NNT: variants seen among roughly 807,000 people sequenced by gnomAD.
NNT encodes the protein nicotinamide nucleotide transhydrogenase.
NNT carries 50 observed loss-of-function variants against 104.8 expected under a neutral mutation model. That is an observed-to-expected ratio of 0.48 (90% CI 0.38 to 0.60). NNT has a LOEUF of 0.60. NNT is among the 20% of genes least tolerant of loss of function. The pLI is 0.00. For synonymous variants in NNT, 461 were observed against 490.4 expected (o/e 0.94, Z 0.79); for missense variants, 1,131 against 1,330.7 (o/e 0.85, Z 2.33).
chr5:43,667,486 C>G (rs1281442470), intron 17 of NNT, among the ~76,000 whole-genome samples: 1 of 152,028 alleles, frequency 6.6e-6, no homozygotes, highest in Non-Finnish European at 1.5e-5. Context: ...TCTCATTGTT[C>G]AATTCCCACC....
In NNT at chr5:43,635,702, C is replaced by CA. The variant is rs560293738; in HGVS notation, c.964+7316dup. On this transcript the variant is annotated intron_variant, in intron 7 of 21. Transcript: ENST00000344920. ...GTTGGCTGCCCTCTTGCTGTGTCCT[C>CA]ACATGGTCTTTCCTCTGTGTGTGTG... Among the ~76,000 whole-genome samples, 96 of 152,272 alleles carry CA rather than the reference C, an allele frequency of 6.3e-4. 1 individual carries two copies. Among genetic ancestry groups the CA allele is most frequent in the African/African-American group, 2.2e-3 (93 of 41,544 alleles).
At chr5:43,634,354 G>A (rs1272424949) in intron 7 of NNT, among the ~76,000 whole-genome samples, 1 of 152,164 alleles carries the variant, frequency 6.6e-6, no homozygotes, top group African/African-American at 2.4e-5. Context: ...TCGGGCAAGA[G>A]AGTGATTGAT....
At chr5:43,650,754 G>C (rs1739716507) in intron 12 of NNT, among the ~76,000 whole-genome samples, 167 bp downstream of exon 12, 1 of 152,120 alleles carries the variant, frequency 6.6e-6, no homozygotes, top group South Asian at 2.1e-4. Context: ...GTAATTTTTA[G>C]AAACTCTTGA....
intron 19 of NNT, among the ~76,000 whole-genome samples, chr5:43,697,246 C>T (rs1223537307): frequency 6.6e-6 from 1 of 152,194 alleles, no homozygotes; most frequent in Non-Finnish European, 1.5e-5. Flanking sequence ...CAAAGTTCTG[C>T]ACACCTCTAG....
chr5:43,687,461 TG>T lies in NNT; in HGVS notation c.2876+9656del, dbSNP rs1466134900. Among the ~76,000 whole-genome samples, 6 of 152,310 alleles carry T rather than the reference TG, an allele frequency of 3.9e-5. No homozygotes were observed. In the East Asian group the frequency reaches 1.2e-3, roughly 29 times the overall value. On this transcript the variant is annotated intron_variant, in intron 19 of 21. Transcript: ENST00000344920. ...GAAATTGCTCATTATGGCCAACCAG[TG>T]TCTGATATAATTAATTTTAATACAT...
intron 2 of NNT, among the ~76,000 whole-genome samples, chr5:43,610,201 CTTTTTTTTTT>C (rs3054076): frequency 1.0e-4 from 13 of 126,130 alleles, no homozygotes; most frequent in Non-Finnish European, 1.8e-4. Context: ...AACTGTCTGT[CTTTTTTTTTT>C]TTTTTTTTTT....
At position 43,684,070 on chromosome 5, in the gene NNT, G is replaced by A. The variant is rs998080955; in HGVS notation, c.2876+6264G>A. Among the ~76,000 whole-genome samples the A allele has an allele frequency of 7.9e-5, 12 of 152,290 alleles. No individual in the cohort carries two copies. The South Asian group carries it at 8.3e-4, about 11-fold the overall frequency. Reference sequence around the variant, plus strand: ...AGGTGACAGCTCATCTCTTTGGGTGGCCTCAGTGTCACAGGCCACATGTAC... The same window carrying A: ...AGGTGACAGCTCATCTCTTTGGGTGACCTCAGTGTCACAGGCCACATGTAC... On this transcript the variant is annotated intron_variant, in intron 19 of 21. Coordinates refer to ENST00000344920, the MANE Select transcript of NNT (RefSeq NM_182977.3).
chr5:43,659,499 G>A, intron 17 of NNT, 149 bp downstream of exon 17: 1 of 614,910 alleles, frequency 1.6e-6, no homozygotes, highest in Non-Finnish European at 2.7e-6. Context: ...AGGAGGCCAA[G>A]GCAGGTGGAT....
chr5:43,618,805 C>T (rs1398643659), intron 4 of NNT, among the ~76,000 whole-genome samples: 3 of 152,124 alleles, frequency 2.0e-5, no homozygotes, highest in Non-Finnish European at 4.4e-5. Flanking sequence ...AGTTTTCTCA[C>T]CTATGGGATG....
chr5:43,617,475 A>G (rs1371491248), intron 4 of NNT, among the ~76,000 whole-genome samples: 1 of 152,132 alleles, frequency 6.6e-6, no homozygotes, highest in Non-Finnish European at 1.5e-5. Context: ...CTGAGCTGAT[A>G]TATGCAGAGA....
Position 43,649,297 on chromosome 5 carries a change from A to C in NNT, c.1595A>C (p.Asn532Thr). The C allele has an allele frequency of 6.2e-7, 1 of 1,614,128 alleles. No homozygotes were observed. Among genetic ancestry groups the C allele is most frequent in the Admixed American group, 1.7e-5 (1 of 60,014 alleles). ...CACTCACCACTGATGTCTGTGACAA[A>C]TGCAATCTCAGGTTTGTTCCTCTCT... ...ALHSPLMSVT[N>T]AISGLTAVGG... is the part of the protein sequence containing the mutation. Residue 532 changes from asparagine (N) to threonine (T), a missense_variant, in exon 11 of 22, where the codon AAT (asparagine) becomes ACT (threonine). Transcript: ENST00000344920.
intron 19 of NNT, among the ~76,000 whole-genome samples, chr5:43,697,651 C>T (rs866370429): frequency 4.7e-4 from 71 of 152,120 alleles, no homozygotes; most frequent in Non-Finnish European, 7.3e-5. Flanking sequence ...ACTTACAGTT[C>T]CACAAGGCTG....
At chr5:43,604,969 G>A (rs1749127857) in intron 1 of NNT, among the ~76,000 whole-genome samples, 1 of 152,128 alleles carries the variant, frequency 6.6e-6, no homozygotes, top group Non-Finnish European at 1.5e-5. Context: ...ACCACCCTGG[G>A]TGGGTGCTAT....
rs571705532 is a variant in NNT, at chr5:43,666,914, G to A, written c.2634+7564G>A. The A allele has an allele frequency of 5.6e-5, 88 of 1,576,568 alleles. 1 individual carries two copies. In the Admixed American group the frequency reaches 9.8e-4, roughly 18 times the overall value. ...CCCTTGGCAATACAGGCACAAACACGCTTCCCAAGCTTGGGGTGGGCAATG... is the reference window on the plus strand; with the variant it reads ...CCCTTGGCAATACAGGCACAAACACACTTCCCAAGCTTGGGGTGGGCAATG... On this transcript the variant is annotated intron_variant, in intron 17 of 21. Coordinates refer to ENST00000344920, the MANE Select transcript of NNT (RefSeq NM_182977.3).
chr5:43,657,223 G>A (rs937277846), intron 16 of NNT, among the ~76,000 whole-genome samples: 2 of 152,148 alleles, frequency 1.3e-5, no homozygotes, highest in Non-Finnish European at 1.5e-5. Context: ...TTACATCATT[G>A]GAAGATATGA....
chr5:43,608,616 G>C (rs1012944705), intron 1 of NNT, among the ~76,000 whole-genome samples: 1 of 152,158 alleles, frequency 6.6e-6, no homozygotes, highest in African/African-American at 2.4e-5. Context: ...CAGTTCAGAG[G>C]TCTCAGTGGA....
At chr5:43,624,547 G>A (rs575683905) in intron 6 of NNT, among the ~76,000 whole-genome samples, 6 of 152,146 alleles carry the variant, frequency 3.9e-5, no homozygotes, top group East Asian at 1.9e-4. Context: ...GACTAGCAAC[G>A]CATGAATTAT....
intron 7 of NNT, among the ~76,000 whole-genome samples, chr5:43,643,484 C>G (rs1751342295): frequency 6.6e-6 from 1 of 152,086 alleles, no homozygotes; most frequent in South Asian, 2.1e-4. Context: ...AGAACAAGGA[C>G]TTTTTTTGTT....
chr5:43,656,852 G>T, intron 16 of NNT, 39 bp downstream of exon 16: 2 of 1,560,568 alleles, frequency 1.3e-6, no homozygotes, highest in Non-Finnish European at 1.7e-6. Flanking sequence ...ATTTGGTGAA[G>T]AACTGGGAAT....
Sources: allele counts gnomAD v4.1 joint callset (sites outside exome capture counted in the v4.1 genomes callset), GRCh38; gene constraint gnomAD v4.1.1; transcripts MANE v1.5; gene names NCBI Gene and HGNC (gene_info 2026-07-23, HGNC 2026-07-21).